Variants in IGBP1C observed in about 807,000 individuals in gnomAD.
IGBP1C encodes the protein IGBP1 family member C.
chr17:58,682,815 T>C, the IGBP1C span, among the ~76,000 whole-genome samples: 1 of 152,150 alleles, frequency 6.6e-6, no homozygotes, highest in Non-Finnish European at 1.5e-5. Flanking sequence ...ATGTCTGTCC[T>C]CCACTGCCTT....
chr17:58,690,676 A>G, the IGBP1C span, among the ~76,000 whole-genome samples: 2 of 152,116 alleles, frequency 1.3e-5, no homozygotes, highest in Non-Finnish European at 2.9e-5. Context: ...AATATAGACC[A>G]TATTAGAAGT....
At chr17:58,684,590 GC>G in the IGBP1C span, among the ~76,000 whole-genome samples, 1 of 150,676 alleles carries the variant, frequency 6.6e-6, no homozygotes, top group Non-Finnish European at 1.5e-5. Flanking sequence ...AGAAGATCGT[GC>G]CACTGCACTC....
At chr17:58,672,071 G>A in the IGBP1C span, among the ~76,000 whole-genome samples, 1 of 152,166 alleles carries the variant, frequency 6.6e-6, no homozygotes, top group Admixed American at 6.6e-5. Context: ...CAGCTCATCA[G>A]GCATTAGTTA....
At chr17:58,671,826 G>A in the IGBP1C span, among the ~76,000 whole-genome samples, 9 of 152,158 alleles carry the variant, frequency 5.9e-5, no homozygotes, top group East Asian at 1.7e-3. Flanking sequence ...CTCACTGCCA[G>A]AGAAGCTCAT....
At chr17:58,683,052 C>CAA in the IGBP1C span, among the ~76,000 whole-genome samples, 91 of 53,274 alleles carry the variant, frequency 1.7e-3, no homozygotes, top group Admixed American at 2.5e-3. Context: ...GAGTCTGTCT[C>CAA]AAAAAAAAAA....
At chr17:58,678,566 T>TG in the IGBP1C span, among the ~76,000 whole-genome samples, 1 of 151,860 alleles carries the variant, frequency 6.6e-6, no homozygotes, top group Non-Finnish European at 1.5e-5. Flanking sequence ...TGAGCAAACT[T>TG]TGCAAGGACA....
At chr17:58,688,045 A>G in the IGBP1C span, among the ~76,000 whole-genome samples, 1 of 152,242 alleles carries the variant, frequency 6.6e-6, no homozygotes, top group African/African-American at 2.4e-5. Flanking sequence ...TCATAGGATT[A>G]CTGTGGATCA....
the IGBP1C span, among the ~76,000 whole-genome samples, chr17:58,670,023 C>T: frequency 3.3e-5 from 5 of 152,176 alleles, no homozygotes; most frequent in African/African-American, 4.8e-5. Flanking sequence ...CAGCTACAGC[C>T]GCAGCCTCTT....
the IGBP1C span, among the ~76,000 whole-genome samples, chr17:58,683,620 A>G: frequency 6.8e-6 from 1 of 147,254 alleles, no homozygotes; most frequent in Non-Finnish European, 1.5e-5. Flanking sequence ...AAAATTAGCC[A>G]GGCATAGTGG....
At chr17:58,683,970 C>G in the IGBP1C span, among the ~76,000 whole-genome samples, 9 of 151,912 alleles carry the variant, frequency 5.9e-5, no homozygotes, top group Non-Finnish European at 8.8e-5. Context: ...GAGGCTGAGG[C>G]AGAAGAACTG....
the IGBP1C span, among the ~76,000 whole-genome samples, chr17:58,669,893 T>A: frequency 6.6e-6 from 1 of 152,140 alleles, no homozygotes; most frequent in Non-Finnish European, 1.5e-5. Context: ...CCTTCAATAC[T>A]CCTTACTGCC....
chr17:58,691,041 GAC>G, the IGBP1C span, among the ~76,000 whole-genome samples: 1 of 152,140 alleles, frequency 6.6e-6, no homozygotes, highest in South Asian at 2.1e-4. Context: ...TTTTGGTACA[GAC>G]AGTGTTTCGC....
chr17:58,661,056 C>G, the IGBP1C span: 1 of 1,097,472 alleles, frequency 9.1e-7, no homozygotes, highest in Non-Finnish European at 1.4e-6. Context: ...TGACCACTTT[C>G]CACAGCAGAT....
chr17:58,673,144 TTG>T, the IGBP1C span, among the ~76,000 whole-genome samples: 1 of 152,090 alleles, frequency 6.6e-6, no homozygotes, highest in Non-Finnish European at 1.5e-5. Flanking sequence ...GGGGATGTTT[TTG>T]TTTCCCTGGG....
chr17:58,662,746 G>A, the IGBP1C span, among the ~76,000 whole-genome samples: 1 of 152,174 alleles, frequency 6.6e-6, no homozygotes, highest in Non-Finnish European at 1.5e-5. Context: ...TCAGAAATAT[G>A]AGAGTGACAT....
chr17:58,661,423 C>T, the IGBP1C span: 3 of 829,880 alleles, frequency 3.6e-6, no homozygotes, highest in African/African-American at 3.3e-5. Context: ...AGTCAAGCTG[C>T]GATAACATTT....
the IGBP1C span, among the ~76,000 whole-genome samples, chr17:58,684,277 T>C: frequency 3.3e-5 from 5 of 149,490 alleles, no homozygotes; most frequent in South Asian, 1.1e-3. Context: ...GCCTGACCAA[T>C]ATGATGAAAC....
At chr17:58,662,024 G>C in the IGBP1C span, among the ~76,000 whole-genome samples, 1 of 151,998 alleles carries the variant, frequency 6.6e-6, no homozygotes, top group African/African-American at 2.4e-5. Context: ...CTGCCACACA[G>C]GGAAGTAGCA....
the IGBP1C span, among the ~76,000 whole-genome samples, chr17:58,681,301 A>G: frequency 2.0e-5 from 3 of 152,118 alleles, 1 homozygote; most frequent in East Asian, 5.8e-4. Context: ...ATCTTGCTAA[A>G]CAAGCAACAA....
Sources: allele counts gnomAD v4.1 joint callset (sites outside exome capture counted in the v4.1 genomes callset), GRCh38; gene constraint gnomAD v4.1.1; transcripts MANE v1.5; gene names NCBI Gene and HGNC (gene_info 2026-07-23, HGNC 2026-07-21).